The following UNC5C variants were observed in gnomAD, a reference collection of about 807,000 sequenced individuals.
The protein encoded by UNC5C is netrin receptor UNC5C.
A neutral mutation model predicts 99.8 loss-of-function variants in UNC5C; 47 were observed. The ratio of observed to expected loss-of-function variants is 0.47; its 90% CI spans 0.37 to 0.60. UNC5C has a LOEUF of 0.60. UNC5C is among the 20% of genes least tolerant of loss of function. UNC5C has a pLI of 0.00. For missense variants in UNC5C, 1,062 were observed against 1,165.9 expected, an observed-to-expected ratio of 0.91 and a Z score of 1.30; for synonymous variants, 487 against 452.2, an observed-to-expected ratio of 1.08 and a Z score of -0.98.
chr4:95,277,252 C>T (rs1265755148), intron 4 of UNC5C, among the ~76,000 whole-genome samples: 1 of 152,144 alleles, frequency 6.6e-6, no homozygotes, highest in African/African-American at 2.4e-5. Flanking sequence ...ATTGCAACAA[C>T]TGAAATATGC....
At chr4:95,431,499 A>G (rs576602539) in intron 1 of UNC5C, among the ~76,000 whole-genome samples, 40 of 152,226 alleles carry the variant, frequency 2.6e-4, no homozygotes, top group African/African-American at 9.2e-4. Flanking sequence ...GATTGAGGCT[A>G]CTTTTCCTTT....
At chr4:95,222,069 CTAATT>C (rs1738489767) in intron 7 of UNC5C, 2 of 532,924 alleles carry the variant, frequency 3.8e-6, no homozygotes, top group East Asian at 6.9e-5. Flanking sequence ...CAGCAAAAAT[CTAATT>C]TATTTTTCAT....
At chr4:95,529,626 C>A (rs1348849594) in intron 1 of UNC5C, among the ~76,000 whole-genome samples, 5 of 151,808 alleles carry the variant, frequency 3.3e-5, no homozygotes, top group African/African-American at 9.7e-5. Context: ...ACTCAGGAGG[C>A]TCAGGCAGGA....
chr4:95,254,413 C>G (rs1739875507), intron 4 of UNC5C, among the ~76,000 whole-genome samples: 1 of 152,132 alleles, frequency 6.6e-6, no homozygotes, highest in African/African-American at 2.4e-5. Context: ...ATTCTAAATT[C>G]AACCCAGAGA....
chr4:95,525,619 G>C (rs76315745), intron 1 of UNC5C, among the ~76,000 whole-genome samples: 1 of 46,082 alleles, frequency 2.2e-5, no homozygotes, highest in East Asian at 7.0e-4. Context: ...AAAAAAAAAA[G>C]ACATACACAG....
chr4:95,284,301 A>G (rs1741158832), intron 3 of UNC5C, among the ~76,000 whole-genome samples: 1 of 152,234 alleles, frequency 6.6e-6, no homozygotes, highest in Non-Finnish European at 1.5e-5. Flanking sequence ...CGAAATGAAA[A>G]TGAATTACTA....
intron 7 of UNC5C, among the ~76,000 whole-genome samples, chr4:95,241,246 G>A (rs2149377903): frequency 6.6e-6 from 1 of 152,194 alleles, no homozygotes; most frequent in Admixed American, 6.5e-5. Flanking sequence ...ACAGTGGCAG[G>A]CCCCACATCA....
chr4:95,334,016 A>C (rs761723693), intron 2 of UNC5C, among the ~76,000 whole-genome samples: 3 of 152,050 alleles, frequency 2.0e-5, no homozygotes, highest in Non-Finnish European at 4.4e-5. Context: ...ATACCCAGTT[A>C]TATCTGCAGT....
chr4:95,235,786 A>C (rs960249634), intron 7 of UNC5C, among the ~76,000 whole-genome samples: 2 of 152,212 alleles, frequency 1.3e-5, no homozygotes, highest in African/African-American at 4.8e-5. Flanking sequence ...GGATATGAAC[A>C]GACACTTCTC....
At chr4:95,198,244 C>T (rs1028842178) in intron 12 of UNC5C, among the ~76,000 whole-genome samples, 18 of 151,982 alleles carry the variant, frequency 1.2e-4, no homozygotes, top group African/African-American at 4.1e-4. Flanking sequence ...CCGCCTTGGC[C>T]TCCCAAAGTG....
intron 2 of UNC5C, among the ~76,000 whole-genome samples, chr4:95,309,297 A>G (rs1240338998): frequency 2.0e-5 from 3 of 152,152 alleles, no homozygotes; most frequent in Non-Finnish European, 2.9e-5. Flanking sequence ...TAGATTAAAA[A>G]TTTAAATATA....
chr4:95,242,680 C>G (rs1300453046), intron 6 of UNC5C, 87 bp from the exon 7 acceptor site: 3 of 1,383,098 alleles, frequency 2.2e-6, no homozygotes, highest in Non-Finnish European at 2.9e-6. Flanking sequence ...TACAACAAAA[C>G]AAAACAAGAA....
chr4:95,264,556 A>G (rs543766792), intron 4 of UNC5C, among the ~76,000 whole-genome samples: 12 of 152,214 alleles, frequency 7.9e-5, no homozygotes, highest in Admixed American at 6.5e-4. Flanking sequence ...TTCTAACCTA[A>G]AAACAAACCA....
chr4:95,431,110 C>T (rs1219836115), intron 1 of UNC5C, among the ~76,000 whole-genome samples: 2 of 152,056 alleles, frequency 1.3e-5, no homozygotes, highest in Non-Finnish European at 2.9e-5. Flanking sequence ...TCTCATACCC[C>T]ATGCACTTCC....
At chr4:95,525,211 C>T (rs1032335304) in intron 1 of UNC5C, among the ~76,000 whole-genome samples, 6 of 152,162 alleles carry the variant, frequency 3.9e-5, no homozygotes, top group Non-Finnish European at 7.3e-5. Context: ...TTAGTTCTAA[C>T]TGAGTAAATA....
rs192340919 is a variant in UNC5C, at chr4:95,171,113, T to C, written c.2452-781A>G. Among the ~76,000 whole-genome samples the C allele has an allele frequency of 2.6e-5, 4 of 152,332 alleles. No individual in the cohort carries two copies. The East Asian group carries it at 7.7e-4, about 29-fold the overall frequency. On this transcript the variant is annotated intron_variant, in intron 14 of 15. Transcript: ENST00000453304. Reference sequence around the variant, plus strand: ...AGGAGAAATTCTAATCATTTTCTGATCACTTGTGCTGGTTGGAAAAGCAAA... The same window carrying C: ...AGGAGAAATTCTAATCATTTTCTGACCACTTGTGCTGGTTGGAAAAGCAAA...
At chr4:95,316,301 GA>G (rs1742474244) in intron 2 of UNC5C, among the ~76,000 whole-genome samples, 2 of 152,048 alleles carry the variant, frequency 1.3e-5, no homozygotes, top group South Asian at 4.2e-4. Context: ...TACTGCAAAG[GA>G]AATAATAAAT....
intron 1 of UNC5C, among the ~76,000 whole-genome samples, chr4:95,438,974 A>G (rs1746868955): frequency 6.6e-6 from 1 of 152,124 alleles, no homozygotes; most frequent in Admixed American, 6.5e-5. Context: ...TCTTCCCTAA[A>G]TGCTAAGGGT....
intron 14 of UNC5C, among the ~76,000 whole-genome samples, chr4:95,180,722 G>A (rs888981983): frequency 1.3e-5 from 2 of 152,134 alleles, no homozygotes; most frequent in Non-Finnish European, 1.5e-5. Context: ...TGGTGAGTGC[G>A]TCCGGTGGTG....
Sources: gnomAD v4.1 joint callset for allele counts (sites outside exome capture counted in the v4.1 genomes callset) on GRCh38, gnomAD v4.1.1 for gene constraint, MANE v1.5 for transcripts, NCBI Gene and HGNC (gene_info 2026-07-23, HGNC 2026-07-21) for gene names.